Variants in PI15 observed in about 807,000 individuals in gnomAD.
PI15 encodes peptidase inhibitor 15.
PI15 carries 18 observed loss-of-function variants against 31.0 expected under a neutral mutation model. That is an observed-to-expected ratio of 0.58 (90% CI 0.40 to 0.86). The LOEUF (loss-of-function observed/expected upper bound fraction) is 0.86. Among genes scored for constraint, PI15 ranks in the 40% least tolerant of loss-of-function variants. The pLI is 0.00. For missense variants in PI15, 282 were observed against 328.1 expected (o/e 0.86, Z 1.09); for synonymous variants, 118 against 119.1 (o/e 0.99, Z 0.06).
At chr8:74,838,772 C>T (rs915417843) in intron 2 of PI15, among the ~76,000 whole-genome samples, 1 of 152,176 alleles carries the variant, frequency 6.6e-6, no homozygotes, top group Non-Finnish European at 1.5e-5. Context: ...AAAGTCAATT[C>T]AATCAAGTTT....
chr8:74,844,040 C>T lies in PI15; in HGVS notation c.333C>T (p.Asp111=). The part of the protein sequence containing the change: ...AEAWAATCIW[D]HGPSYLLRFL... ...CTTGGGCGGCTACTTGCATTTGGGA[C>T]CATGGACCTTCTTACTTACTGAGAT... The change falls in exon 3 of 6, where the codon GAC becomes GAT. Residue 111 remains aspartate (D), a synonymous_variant. Coordinates refer to ENST00000260113, the MANE Select transcript of PI15 (RefSeq NM_015886.5). 6.2e-7 allele frequency: 1 copy of T among 1,609,200 alleles called. No individual in the cohort carries two copies. The highest frequency in any genetic ancestry group is 1.3e-5 in the African/African-American group (1 of 74,918).
intron 2 of PI15, among the ~76,000 whole-genome samples, chr8:74,832,948 A>G (rs1810809141): frequency 6.6e-6 from 1 of 152,130 alleles, no homozygotes; most frequent in Non-Finnish European, 1.5e-5. Flanking sequence ...AGTGCATCAA[A>G]TTCACTTTTA....
In PI15 at chr8:74,853,894, T is replaced by C. The variant is rs1811142384; in HGVS notation, c.*4641T>C. 6.6e-6 allele frequency: 1 copy of C among 152,024 alleles called. No homozygotes were observed. Among genetic ancestry groups the C allele is most frequent in the South Asian group, 2.1e-4 (1 of 4,836 alleles). 9.4% of individuals were successfully genotyped at this position (152,024 alleles called of 1,614,324 possible). A position where few individuals can be genotyped will look rare whatever the true frequency, so the allele number is the denominator to read the frequency against. On this transcript the variant is annotated 3_prime_UTR_variant, in exon 6 of 6. Coordinates refer to ENST00000260113, the MANE Select transcript of PI15 (RefSeq NM_015886.5). ...AAATATATTTTTAAATTTAGTTAGC[T>C]TTATAAACACAATTAGAATTACAAT...
At chr8:74,827,081 G>T (rs1286114309) in intron 2 of PI15, among the ~76,000 whole-genome samples, 1 of 152,076 alleles carries the variant, frequency 6.6e-6, no homozygotes, top group African/African-American at 2.4e-5. Context: ...TCCCAACTAT[G>T]AGTTTAGAGA....
intron 2 of PI15, among the ~76,000 whole-genome samples, chr8:74,842,716 A>G (rs1810962592): frequency 6.6e-6 from 1 of 152,186 alleles, no homozygotes; most frequent in Admixed American, 6.5e-5. Flanking sequence ...CCATATGCTA[A>G]CTAATATGAA....
At position 74,844,080 on chromosome 8, in the gene PI15, C is replaced by G; in HGVS notation, c.373C>G (p.Leu125Val). The change falls in exon 3 of 6, where the codon CTA becomes GTA. Residue 125 changes from leucine to valine, a missense_variant. Coordinates refer to ENST00000260113, the MANE Select transcript of PI15 (RefSeq NM_015886.5). ...SYLLRFLGQNLSVRTGRYRSI... is the reference protein window; with the variant it reads ...SYLLRFLGQNVSVRTGRYRSI... ...CTTACTGAGATTTTTGGGCCAAAAT[C>G]TATCTGTACGCACTGGAAGGTAGGA... The G allele has an allele frequency of 1.3e-6, 2 of 1,518,924 alleles. No individual in the cohort carries two copies. Among genetic ancestry groups the G allele is most frequent in the Non-Finnish European group, 1.8e-6 (2 of 1,093,074 alleles). 94.1% of individuals were successfully genotyped at this position (1,518,924 alleles called of 1,614,324 possible).
At chr8:74,833,264 G>T (rs1253644549) in intron 2 of PI15, among the ~76,000 whole-genome samples, 1 of 152,104 alleles carries the variant, frequency 6.6e-6, no homozygotes, top group African/African-American at 2.4e-5. Flanking sequence ...TGGGATGATT[G>T]TTAGACTCTA....
chr8:74,831,611 T>C (rs761958266), intron 2 of PI15, among the ~76,000 whole-genome samples: 1 of 152,064 alleles, frequency 6.6e-6, no homozygotes, highest in Non-Finnish European at 1.5e-5. Flanking sequence ...TGGTAGGAAG[T>C]ACTGTGAACA....
intron 2 of PI15, among the ~76,000 whole-genome samples, chr8:74,827,165 G>T (rs1810712041): frequency 6.6e-6 from 1 of 152,042 alleles, no homozygotes. Context: ...GCTCATCTGG[G>T]TTCAAATCCT....
Position 74,844,016 on chromosome 8 carries a change from T to C in PI15, c.309T>C (p.Ala103=). The change falls in exon 3 of 6, where the codon GCT becomes GCC. Residue 103 remains alanine (A), a synonymous_variant. Coordinates refer to ENST00000260113, the MANE Select transcript of PI15 (RefSeq NM_015886.5). ...WDENLAKSAE[A]WAATCIWDHG... ...AAAATCTTGCAAAATCGGCAGAGGC[T>C]TGGGCGGCTACTTGCATTTGGGACC... is the stretch of plus-strand genomic sequence containing the variant. The C allele has an allele frequency of 6.2e-7, 1 of 1,609,160 alleles. No homozygotes were observed. The highest frequency in any genetic ancestry group is 8.5e-7 in the Non-Finnish European group (1 of 1,175,460).
In PI15 at chr8:74,825,471, TA is replaced by T. The variant is rs1810683994; in HGVS notation, c.224del (p.Asn75IlefsTer44). On this transcript the variant is annotated frameshift_variant, in exon 2 of 6. Transcript: ENST00000260113. LOFTEE classifies it high-confidence loss of function. ...NDMIAILDYH[N>X]QVRGKVFPPA... Reference sequence around the variant, plus strand: ...ACATGATCGCCATTCTTGATTATCATAATCAAGTTCGGGGCAAAGTGTTCCC... The same window carrying T: ...ACATGATCGCCATTCTTGATTATCATATCAAGTTCGGGGCAAAGTGTTCCC... 1 of 1,612,854 alleles carries T rather than the reference TA, an allele frequency of 6.2e-7. No homozygotes were observed. Among genetic ancestry groups the T allele is most frequent in the Admixed American group, 1.7e-5 (1 of 59,902 alleles).
At position 74,853,770 on chromosome 8, in the gene PI15, T is replaced by A. The variant is rs1403122996; in HGVS notation, c.*4517T>A. On this transcript the variant is annotated 3_prime_UTR_variant, in exon 6 of 6. Coordinates refer to ENST00000260113, the MANE Select transcript of PI15 (RefSeq NM_015886.5). Reference sequence around the variant, plus strand: ...CTAAGAGGAAAAAAGAGTTAATATATTCTGGCACCCACTTTCCTAGTAATG... The same window carrying A: ...CTAAGAGGAAAAAAGAGTTAATATAATCTGGCACCCACTTTCCTAGTAATG... 1.3e-5 allele frequency: 2 copies of A among 152,294 alleles called. No individual in the cohort carries two copies. The highest frequency in any genetic ancestry group is 2.4e-5 in the African/African-American group (1 of 41,460). The allele number at this position is 152,294 out of a possible 1,614,324, so 9.4% of individuals were successfully genotyped here.
chr8:74,844,991 G>A (rs954576010), intron 3 of PI15, 137 bp from the exon 4 acceptor site: 4 of 717,906 alleles, frequency 5.6e-6, no homozygotes, highest in Non-Finnish European at 9.5e-6. Context: ...AGGTGGTGAT[G>A]GTGATTGTGA....
chr8:74,848,730 T>TAG (rs1026583590), intron 5 of PI15, among the ~76,000 whole-genome samples: 2,946 of 140,270 alleles, frequency 0.021, 26 homozygotes, highest in African/African-American at 0.026. Flanking sequence ...TATATATATA[T>TAG]ATAGAGAGAG....
Sources: gnomAD v4.1 joint callset for allele counts (sites outside exome capture counted in the v4.1 genomes callset) on GRCh38, gnomAD v4.1.1 for gene constraint, MANE v1.5 for transcripts, NCBI Gene and HGNC (gene_info 2026-07-23, HGNC 2026-07-21) for gene names.